CHFR: variants seen among roughly 807,000 people sequenced by gnomAD.
The protein encoded by CHFR is checkpoint with forkhead and ring finger domains, also known as E3 ubiquitin-protein ligase CHFR.
CHFR carries 57 observed loss-of-function variants against 87.6 expected under a neutral mutation model. That is an observed-to-expected ratio of 0.65 (90% confidence interval 0.53 to 0.81). CHFR has a LOEUF of 0.81. CHFR is among the 30% of genes least tolerant of loss of function. The probability of loss-of-function intolerance (pLI) is 0.00; values close to 1 mark genes in which losing one functional copy is unlikely to be tolerated. For synonymous variants in CHFR, 381 were observed against 359.2 expected, an observed-to-expected ratio of 1.06 and a Z score of -0.69; for missense variants, 797 against 865.8, an observed-to-expected ratio of 0.92 and a Z score of 1.00.
Position 132,839,667 on chromosome 12 carries a change from C to A in CHFR, c.*1887G>T. ...GCCTCTGCACAAACTCAGGACCTCC[C>A]CTCTCCCTCACCCCTGCACCAACTC... is the stretch of plus-strand genomic sequence containing the variant. On this transcript the variant is annotated 3_prime_UTR_variant, in exon 18 of 18. Coordinates refer to ENST00000450056, the MANE Select transcript of CHFR (RefSeq NM_001161346.2). 1 of 170,536 alleles carries A rather than the reference C, an allele frequency of 5.9e-6. No homozygotes were observed. Among genetic ancestry groups the A allele is most frequent in the Non-Finnish European group, 1.3e-5 (1 of 79,700 alleles). 10.6% of individuals were successfully genotyped at this position (170,536 alleles called of 1,614,324 possible). A position where few individuals can be genotyped will look rare whatever the true frequency, so the allele number is the denominator to read the frequency against.
chr12:132,870,744 CCTTG>C lies in CHFR; in HGVS notation c.379_382del (p.Gln127AlafsTer2). 6.2e-7 allele frequency: 1 copy of C among 1,610,930 alleles called. No homozygotes were observed. The highest frequency in any genetic ancestry group is 8.5e-7 in the Non-Finnish European group (1 of 1,177,218). On this transcript the variant is annotated frameshift_variant, in exon 5 of 18. Coordinates refer to ENST00000450056, the MANE Select transcript of CHFR (RefSeq NM_001161346.2). LOFTEE classifies it high-confidence loss of function. Reference sequence around the variant, plus strand: ...CTTACCAAAGGATTCTTGTGTCATGCCTTGCTTTTCACTTAAAGATTCATAGAGG... The same window carrying C: ...CTTACCAAAGGATTCTTGTGTCATGCCTTTTCACTTAAAGATTCATAGAGG...
rs1366737523 is a variant in CHFR, at chr12:132,836,816, T to G, written c.*4738A>C. On this transcript the variant is annotated 3_prime_UTR_variant, in exon 18 of 18. Transcript: ENST00000450056. ...GGACGGCTCATCAGCTCATCAGACC[T>G]TCACCGTTCAGTAGCCAACTGGTCA... 3 of 454,502 alleles carry G rather than the reference T, an allele frequency of 6.6e-6. No individual in the cohort carries two copies. The highest frequency in any genetic ancestry group is 6.0e-5 in the African/African-American group (3 of 50,016). 28.2% of individuals were successfully genotyped at this position (454,502 alleles called of 1,614,324 possible).
chr12:132,860,672 T>G (rs1951191627), intron 7 of CHFR, among the ~76,000 whole-genome samples: 1 of 152,240 alleles, frequency 6.6e-6, no homozygotes, highest in South Asian at 2.1e-4. Flanking sequence ...AGTGCAGACT[T>G]CTCCCTAAAT....
chr12:132,845,173 C>T (rs759076958), intron 15 of CHFR, among the ~76,000 whole-genome samples: 3 of 151,804 alleles, frequency 2.0e-5, no homozygotes, highest in Non-Finnish European at 4.4e-5. Context: ...ACAAAGATAT[C>T]GGCCAGGCAC....
chr12:132,841,414 T>C lies in CHFR; in HGVS notation c.*140A>G, dbSNP rs893810615. 105 of 735,570 alleles carry C rather than the reference T, an allele frequency of 1.4e-4. No individual in the cohort carries two copies. In the African/African-American group the frequency reaches 1.7e-3, roughly 12 times the overall value. 45.6% of individuals were successfully genotyped at this position (735,570 alleles called of 1,614,324 possible). A position where few individuals can be genotyped will look rare whatever the true frequency, so the allele number is the denominator to read the frequency against. On this transcript the variant is annotated 3_prime_UTR_variant, in exon 18 of 18. Coordinates refer to ENST00000450056, the MANE Select transcript of CHFR (RefSeq NM_001161346.2). ...CAGAGGGTAAAGCTCCACAGAAGAG[T>C]CACCCCAGAGCACCTGTCGGAGACC... is the stretch of plus-strand genomic sequence containing the variant.
rs763278073 is a variant in CHFR, at chr12:132,853,418, C to T, written c.1372+13G>A. On this transcript the variant is annotated intron_variant, in intron 11 of 17. Coordinates refer to ENST00000450056, the MANE Select transcript of CHFR (RefSeq NM_001161346.2). The stretch of plus-strand genomic sequence containing the variant: ...TCACGCGAAGGCTGAGGCCTGAGGG[C>T]GGCGCGGCTCACCTGTCGTCAGGCT... 55 of 1,508,602 alleles carry T rather than the reference C, an allele frequency of 3.6e-5. No individual in the cohort carries two copies. The highest frequency in any genetic ancestry group is 5.8e-5 in the African/African-American group (4 of 69,242). 93.5% of individuals were successfully genotyped at this position (1,508,602 alleles called of 1,614,324 possible).
intron 8 of CHFR, among the ~76,000 whole-genome samples, chr12:132,858,665 T>C (rs2136971440): frequency 7.8e-6 from 1 of 127,926 alleles, no homozygotes; most frequent in South Asian, 2.4e-4. Context: ...GAGGCTGAGG[T>C]TGTAGTGAGC....
intron 2 of CHFR, among the ~76,000 whole-genome samples, chr12:132,886,758 T>C (rs1318780444): frequency 1.3e-5 from 2 of 152,372 alleles, no homozygotes; most frequent in East Asian, 3.9e-4. Context: ...AAATACCTTT[T>C]GGTGTATTCT....
chr12:132,879,370 T>C lies in CHFR; in HGVS notation c.134-1716A>G, dbSNP rs141410401. ...TGCATCTATAGCTGAATACAGTAAT[T>C]CTGACACTTTGGGATTTTTTTTTTC... On this transcript the variant is annotated intron_variant, in intron 2 of 17. Transcript: ENST00000450056. 4.2e-3 allele frequency among the ~76,000 whole-genome samples: 631 copies of C among 151,590 alleles called. 4 individuals are homozygous for C. The highest frequency in any genetic ancestry group is 0.014 in the African/African-American group (593 of 41,310).
chr12:132,885,356 G>C (rs951328186), intron 2 of CHFR, among the ~76,000 whole-genome samples: 1 of 140,052 alleles, frequency 7.1e-6, no homozygotes, highest in Non-Finnish European at 1.6e-5. Flanking sequence ...GCTTGCAGTG[G>C]GCCGAGATCG....
chr12:132,847,045 G>A lies in CHFR; in HGVS notation c.1733C>T (p.Ser578Phe), dbSNP rs1423530802. Reference sequence around the variant, plus strand: ...CAGGAGGCAACAGAAGAACTCACCAGACAGCAGAAACACTCCCCGCTGGAG... The same window carrying A: ...CAGGAGGCAACAGAAGAACTCACCAAACAGCAGAAACACTCCCCGCTGGAG... ...VALQRGVFLL[S>F]DYRVTGDTVL... The change falls in exon 15 of 18, where the codon TCT becomes TTT. Residue 578 changes from serine to phenylalanine, a missense_variant and splice_region_variant. Physicochemically the swap from Ser to Phe is radical, Grantham distance 155. This residue lies in a region of CHFR where 200 missense variants were observed against 264.6 expected (regional missense o/e 0.76). Coordinates refer to ENST00000450056, the MANE Select transcript of CHFR (RefSeq NM_001161346.2). 1 of 1,611,430 alleles carries A rather than the reference G, an allele frequency of 6.2e-7. No individual in the cohort carries two copies. The highest frequency in any genetic ancestry group is 8.5e-7 in the Non-Finnish European group (1 of 1,177,864).
At chr12:132,847,587 T>C (rs1950856750) in intron 14 of CHFR, 1 of 1,065,422 alleles carries the variant, frequency 9.4e-7, no homozygotes, top group African/African-American at 1.7e-5. Flanking sequence ...GGTGTGTCTG[T>C]GGCAAGCCTC....
chr12:132,851,685 G>A lies in CHFR; in HGVS notation c.1425C>T (p.Cys475=), dbSNP rs1278317795. The change falls in exon 12 of 18, where the codon TGC becomes TGT. Residue 475 remains cysteine (C), a synonymous_variant. Transcript: ENST00000450056. ...TCCGGTCGGGCATGGGCTGGAAGCAGCAGGTGCACAGGGCGTGGCTTCCTT... is the reference window on the plus strand; with the variant it reads ...TCCGGTCGGGCATGGGCTGGAAGCAACAGGTGCACAGGGCGTGGCTTCCTT... ...PLQGSHALCT[C]CFQPMPDRRA... 6.2e-7 allele frequency: 1 copy of A among 1,613,474 alleles called. No individual in the cohort carries two copies. Among genetic ancestry groups the A allele is most frequent in the Non-Finnish European group, 8.5e-7 (1 of 1,179,962 alleles).
rs368057398 is a variant in CHFR, at chr12:132,857,562, G to A, written c.912-3C>T. 11 of 1,613,392 alleles carry A rather than the reference G, an allele frequency of 6.8e-6. No individual in the cohort carries two copies. Among genetic ancestry groups the A allele is most frequent in the Non-Finnish European group, 9.3e-6 (11 of 1,179,774 alleles). On this transcript the variant is annotated splice_region_variant and splice_polypyrimidine_tract_variant and intron_variant, in intron 8 of 17. Transcript: ENST00000450056. ...ACGTGTGCATGCAGGGCTGCAAACT[G>A]AAAGTGCAAGAGGAACAGTGTCCAG...
In CHFR at chr12:132,833,031, A is replaced by G. The variant is rs1242080444; in HGVS notation, c.*8523T>C. On this transcript the variant is annotated 3_prime_UTR_variant, in exon 18 of 18. Transcript: ENST00000450056. Reference sequence around the variant, plus strand: ...CCTTCTGTGACGCCTTTTCACTTGCATGGTGTGTTTAAGGTCCATCCACAC... The same window carrying G: ...CCTTCTGTGACGCCTTTTCACTTGCGTGGTGTGTTTAAGGTCCATCCACAC... 2.6e-5 allele frequency: 4 copies of G among 152,124 alleles called. No homozygotes were observed. Among genetic ancestry groups the G allele is most frequent in the African/African-American group, 9.7e-5 (4 of 41,420 alleles). 9.4% of individuals were successfully genotyped at this position (152,124 alleles called of 1,614,324 possible). A position where few individuals can be genotyped will look rare whatever the true frequency, so the allele number is the denominator to read the frequency against.
At chr12:132,866,272 T>G (rs534261361) in intron 6 of CHFR, 2 of 152,358 alleles carry the variant, frequency 1.3e-5, no homozygotes, top group South Asian at 4.1e-4. Context: ...ATCAGAATGT[T>G]ACAACACACC....
rs1438322046 is a variant in CHFR, at chr12:132,853,564, G to A, written c.1239C>T (p.Tyr413=). ...DSESSDISQP[Y]VVCRQCPEYR... ...ACTCAGGACACTGCCGGCACACGAC[G>A]TATGGCTGGCTGCAAGGAAGCACAG... The change falls in exon 11 of 18, where the codon TAC becomes TAT. Residue 413 remains tyrosine, a synonymous_variant. Coordinates refer to ENST00000450056, the MANE Select transcript of CHFR (RefSeq NM_001161346.2). 3 of 1,529,672 alleles carry A rather than the reference G, an allele frequency of 2.0e-6. No homozygotes were observed. The highest frequency in any genetic ancestry group is 2.5e-5 in the East Asian group (1 of 39,436). 94.8% of individuals were successfully genotyped at this position (1,529,672 alleles called of 1,614,324 possible).
At chr12:132,856,067 A>T (rs7297261) in intron 10 of CHFR, among the ~76,000 whole-genome samples, 40,036 of 152,128 alleles carry the variant, frequency 0.26, 5,577 homozygotes, top group Middle Eastern at 0.42. Flanking sequence ...TATAGTCGCT[A>T]GATCAACTAC....
intron 12 of CHFR, 132 bp downstream of exon 12, chr12:132,851,486 C>G (rs1193309272): frequency 9.3e-7 from 1 of 1,080,550 alleles, no homozygotes; most frequent in Non-Finnish European, 1.3e-6. Flanking sequence ...GTGGGGAAAA[C>G]TGATCACACT....
Sources: gnomAD v4.1 joint callset for allele counts (sites outside exome capture counted in the v4.1 genomes callset) on GRCh38, gnomAD v4.1.1 for gene constraint, gnomAD v4.1.1 regional missense constraint, MANE v1.5 for transcripts, NCBI Gene and HGNC (gene_info 2026-07-23, HGNC 2026-07-21) for gene names.